Variants in TIGAR observed in about 807,000 individuals in gnomAD.
TIGAR encodes TP53 induced glycolysis regulatory phosphatase.
Under a neutral mutation model 17.9 loss-of-function variants are expected in TIGAR, and 7 were observed. That is an observed-to-expected ratio of 0.39 (90% confidence interval 0.22 to 0.73). The LOEUF is 0.73. Among genes scored for constraint, TIGAR ranks in the 30% least tolerant of loss-of-function variants. The pLI is 0.42. For missense variants in TIGAR, 258 were observed against 327.4 expected (o/e 0.79, Z 1.64); for synonymous variants, 94 against 108.6 (o/e 0.87, Z 0.84).
At chr12:4,336,054 A>C (rs1174067433) in intron 2 of TIGAR, among the ~76,000 whole-genome samples, 2 of 152,150 alleles carry the variant, frequency 1.3e-5, no homozygotes, top group East Asian at 3.8e-4. Flanking sequence ...TCAATGTCTG[A>C]AGTCTTGATG....
intron 2 of TIGAR, 62 bp from the exon 3 acceptor site, chr12:4,336,977 G>A: frequency 1.4e-6 from 2 of 1,439,386 alleles, no homozygotes; most frequent in Non-Finnish European, 1.9e-6. Flanking sequence ...TTCTACATGT[G>A]ATTTATACAT....
At chr12:4,334,410 G>C (rs1322692086) in intron 2 of TIGAR, among the ~76,000 whole-genome samples, 1 of 152,198 alleles carries the variant, frequency 6.6e-6, no homozygotes, top group East Asian at 1.9e-4. Flanking sequence ...CCAAAGGCCT[G>C]CCTCCTAATA....
rs962804542 is a variant in TIGAR, at chr12:4,321,444, G to A, written c.32+141G>A. 3 of 1,248,740 alleles carry A rather than the reference G, an allele frequency of 2.4e-6. No individual in the cohort carries two copies. The highest frequency in any genetic ancestry group is 2.2e-6 in the Non-Finnish European group (2 of 900,596). 77.4% of individuals were successfully genotyped at this position (1,248,740 alleles called of 1,614,324 possible). ...GGGCTGGCTTGGAAGCGCTTTTTCC[G>A]GGGCGCTTGCCCTGGGGCCGTCCCG... is the stretch of plus-strand genomic sequence containing the variant. On this transcript the variant is annotated intron_variant, in intron 1 of 5. Transcript: ENST00000179259. The surrounding 1 kb of genome is among the most constrained non-coding windows in gnomAD (Gnocchi z 5.2).
At chr12:4,325,097 C>A (rs965703461) in intron 1 of TIGAR, among the ~76,000 whole-genome samples, 1 of 152,006 alleles carries the variant, frequency 6.6e-6, no homozygotes, top group Non-Finnish European at 1.5e-5. Flanking sequence ...CATGTGCCAC[C>A]ATGCCTGGCT....
chr12:4,324,651 C>A, intron 1 of TIGAR: 1 of 1,303,140 alleles, frequency 7.7e-7, no homozygotes, highest in Non-Finnish European at 1.1e-6. Flanking sequence ...GCAGCGAGTT[C>A]TGTTTCCGCC....
At chr12:4,327,175 G>A (rs755806204) in intron 1 of TIGAR, among the ~76,000 whole-genome samples, 69 of 152,114 alleles carry the variant, frequency 4.5e-4, no homozygotes, top group Non-Finnish European at 5.7e-4. Flanking sequence ...TTGGGAGGCC[G>A]AGGCAGGAGG....
rs976596906 is a variant in TIGAR at position 4,354,288 on chromosome 12, A to G, written c.*1597A>G. 6.6e-6 allele frequency: 1 copy of G among 152,232 alleles called. No individual in the cohort carries two copies. Among genetic ancestry groups the G allele is most frequent in the South Asian group, 2.1e-4 (1 of 4,834 alleles). 9.4% of individuals were successfully genotyped at this position (152,232 alleles called of 1,614,324 possible). ...CAGAGGAAGTATACTGTAAATAAAA[A>G]TTTGAAAAATAAGCAAAAAGGACAG... On this transcript the variant is annotated 3_prime_UTR_variant, in exon 6 of 6. Coordinates refer to ENST00000179259, the MANE Select transcript of TIGAR (RefSeq NM_020375.3).
chr12:4,359,960 A>T lies in TIGAR; in HGVS notation c.*7269A>T, dbSNP rs976588410. Among the ~76,000 whole-genome samples, 3 of 152,218 alleles carry T rather than the reference A, an allele frequency of 2.0e-5. No individual in the cohort carries two copies. The highest frequency in any genetic ancestry group is 7.2e-5 in the African/African-American group (3 of 41,458). On this transcript the variant is annotated 3_prime_UTR_variant, in exon 6 of 6. Coordinates refer to ENST00000179259, the MANE Select transcript of TIGAR (RefSeq NM_020375.3). ...GGTGATATGGAATGCTTTTTAATGTACAATTCTTATTGATCATTCATACAG... is the reference window on the plus strand; with the variant it reads ...GGTGATATGGAATGCTTTTTAATGTTCAATTCTTATTGATCATTCATACAG...
intron 1 of TIGAR, among the ~76,000 whole-genome samples, chr12:4,327,598 G>T (rs1864559430): frequency 6.6e-6 from 1 of 151,852 alleles, no homozygotes. Flanking sequence ...AAATTATGTT[G>T]TAGTTTGTGT....
At chr12:4,324,760 C>A (rs896675956) in intron 1 of TIGAR, 1 of 694,814 alleles carries the variant, frequency 1.4e-6, no homozygotes. Flanking sequence ...AAGTCTGTGC[C>A]GCGGTAGGTG....
Position 4,352,376 on chromosome 12 carries a change from G to A in TIGAR, c.498G>A (p.Leu166=). 1.2e-6 allele frequency: 2 copies of A among 1,614,094 alleles called. No individual in the cohort carries two copies. Among genetic ancestry groups the A allele is most frequent in the Non-Finnish European group, 1.7e-6 (2 of 1,180,000 alleles). The change falls in exon 6 of 6, where the codon TTG becomes TTA. Residue 166 remains leucine, a synonymous_variant. Transcript: ENST00000179259. ...CAAGCAACTGTCTGGAAACTTCTTT[G>A]GCAGAGATATTTCCTTTAGGAAAAA... is the stretch of plus-strand genomic sequence containing the variant. ...GSPSNCLETS[L]AEIFPLGKNH...
intron 1 of TIGAR, among the ~76,000 whole-genome samples, chr12:4,329,496 G>A (rs747970787): frequency 5.3e-5 from 8 of 151,640 alleles, no homozygotes; most frequent in Admixed American, 3.9e-4. Flanking sequence ...CCGCCACCAC[G>A]CATGGCTAAA....
chr12:4,327,628 A>G (rs1211749811), intron 1 of TIGAR, among the ~76,000 whole-genome samples: 1 of 152,176 alleles, frequency 6.6e-6, no homozygotes, highest in East Asian at 1.9e-4. Context: ...GTTAGGTGAC[A>G]GCTCCCTAGG....
chr12:4,341,426 C>T (rs1037013915), intron 3 of TIGAR, among the ~76,000 whole-genome samples: 4 of 152,202 alleles, frequency 2.6e-5, no homozygotes, highest in African/African-American at 4.8e-5. Context: ...GATCTGAGAA[C>T]GGACAGACTG....
intron 1 of TIGAR, among the ~76,000 whole-genome samples, chr12:4,322,002 T>TTA (rs1431696937): frequency 5.2e-4 from 61 of 117,448 alleles, no homozygotes; most frequent in African/African-American, 1.7e-3. Flanking sequence ...ATTTTTATTT[T>TTA]TTTTTTTTTG....
In TIGAR at chr12:4,336,446, G is replaced by GCACACACACACACA. The variant is rs10595001; in HGVS notation, c.71-557_71-544dup. 8.9e-4 allele frequency among the ~76,000 whole-genome samples: 123 copies of GCACACACACACACA among 138,562 alleles called. 1 individual carries two copies. Among genetic ancestry groups the GCACACACACACACA allele is most frequent in the African/African-American group, 2.6e-3 (95 of 36,972 alleles). The allele number at this position is 138,562 out of a possible 152,430, so 90.9% of individuals were successfully genotyped here. ...TATGTTCTGTGGGCCCAGCAATGCA[G>GCACACACACACACA]CACACACACACACACACACACACAC... On this transcript the variant is annotated intron_variant, in intron 2 of 5. Coordinates refer to ENST00000179259, the MANE Select transcript of TIGAR (RefSeq NM_020375.3).
chr12:4,324,613 T>C, intron 1 of TIGAR: 1 of 1,556,260 alleles, frequency 6.4e-7, no homozygotes, highest in Non-Finnish European at 8.8e-7. Flanking sequence ...GGGCGGTGCC[T>C]CCTTCTTGGC....
rs181621675 is a variant in TIGAR, at chr12:4,336,572, A to G, written c.71-467A>G. ...CAGCCAACCGTTATCCTGGAAATAG[A>G]GGTTTCAAAGCATTTTTAAAATGAA... is the stretch of plus-strand genomic sequence containing the variant. On this transcript the variant is annotated intron_variant, in intron 2 of 5. Transcript: ENST00000179259. 4.4e-4 allele frequency among the ~76,000 whole-genome samples: 67 copies of G among 152,178 alleles called. 1 individual carries two copies. The East Asian group carries it at 8.3e-3, about 19-fold the overall frequency.
intron 2 of TIGAR, among the ~76,000 whole-genome samples, chr12:4,333,476 T>G (rs1864625127): frequency 6.6e-6 from 1 of 151,728 alleles, no homozygotes; most frequent in Non-Finnish European, 1.5e-5. Flanking sequence ...TTTTTATTTA[T>G]TTATTTATTT....
Sources: allele counts gnomAD v4.1 joint callset (sites outside exome capture counted in the v4.1 genomes callset), GRCh38; gene constraint gnomAD v4.1.1; non-coding constraint Gnocchi (gnomAD v3.1); transcripts MANE v1.5; gene names NCBI Gene and HGNC (gene_info 2026-07-23, HGNC 2026-07-21).